Variants in SEMA4D observed in about 807,000 individuals in gnomAD.
The protein encoded by SEMA4D is semaphorin-4D.
Under a neutral mutation model 74.8 loss-of-function variants are expected in SEMA4D, and 22 were observed. The observed-to-expected ratio is 0.29, with a 90% confidence interval of 0.21 to 0.42. The LOEUF is 0.42. Ranked by LOEUF, SEMA4D falls within the 10% of genes least tolerant of loss-of-function variation. The pLI, the probability that SEMA4D is intolerant of heterozygous loss-of-function variation, is 1.00. For missense variants in SEMA4D, 937 were observed against 1,118.4 expected (o/e 0.84, Z 2.31); for synonymous variants, 445 against 463.7 (o/e 0.96, Z 0.52).
chr9:89,421,065 G>A (rs1463125225), intron 2 of SEMA4D, among the ~76,000 whole-genome samples: 2 of 152,184 alleles, frequency 1.3e-5, no homozygotes, highest in Non-Finnish European at 2.9e-5. Flanking sequence ...CAGGGACTGT[G>A]GGCTCCACCA....
chr9:89,486,749 T>A (rs1434174021), intron 1 of SEMA4D, among the ~76,000 whole-genome samples: 1 of 152,114 alleles, frequency 6.6e-6, no homozygotes, highest in Non-Finnish European at 1.5e-5. Context: ...CTGCTAAAAT[T>A]CAAAAAAATT....
chr9:89,421,105 G>C (rs1179010947), intron 2 of SEMA4D, among the ~76,000 whole-genome samples: 1 of 152,216 alleles, frequency 6.6e-6, no homozygotes, highest in Non-Finnish European at 1.5e-5. Context: ...GGGGATCGGG[G>C]CTTCCCCAGG....
intron 2 of SEMA4D, among the ~76,000 whole-genome samples, chr9:89,416,377 A>C (rs1845706198): frequency 6.6e-6 from 1 of 152,242 alleles, no homozygotes; most frequent in African/African-American, 2.4e-5. Flanking sequence ...TCAGGCAAGG[A>C]AGACAACACC....
chr9:89,461,603 G>A (rs1014374904), intron 1 of SEMA4D, among the ~76,000 whole-genome samples: 23 of 151,426 alleles, frequency 1.5e-4, no homozygotes, highest in Admixed American at 1.5e-3. Context: ...TACTAGGAGA[G>A]TAGCATATGA....
chr9:89,455,067 C>T (rs138418512), intron 2 of SEMA4D, among the ~76,000 whole-genome samples: 2,748 of 152,358 alleles, frequency 0.018, 31 homozygotes, highest in Middle Eastern at 0.078. Context: ...CCAGAGAAAA[C>T]GGGTAGCCTG....
intron 1 of SEMA4D, among the ~76,000 whole-genome samples, chr9:89,461,723 GAC>G (rs1206977321): frequency 2.6e-5 from 1 of 38,974 alleles, no homozygotes; most frequent in Non-Finnish European, 6.5e-5. Flanking sequence ...TTTTTTTGGA[GAC>G]AGAGTCTCGC....
At chr9:89,380,295 A>G (rs1836731784) in intron 15 of SEMA4D, among the ~76,000 whole-genome samples, 1 of 151,372 alleles carries the variant, frequency 6.6e-6, no homozygotes, top group Non-Finnish European at 1.5e-5. Flanking sequence ...AGACTCCCAA[A>G]ATGCTGGGAT....
chr9:89,380,216 A>G (rs1836717141), intron 15 of SEMA4D, among the ~76,000 whole-genome samples: 1 of 151,924 alleles, frequency 6.6e-6, no homozygotes, highest in Admixed American at 6.6e-5. Context: ...TATTTTTTGT[A>G]GAGACAGGGT....
In SEMA4D at chr9:89,447,990, T is replaced by C. The variant is rs1853390856; in HGVS notation, c.-244+7898A>G. Among the ~76,000 whole-genome samples the C allele has an allele frequency of 2.6e-5, 4 of 152,218 alleles. No individual in the cohort carries two copies. In the South Asian group the frequency reaches 8.3e-4, roughly 31 times the overall value. On this transcript the variant is annotated intron_variant, in intron 2 of 15. Transcript: ENST00000422704. ...TATGTATTTATTTATTTGTATTTTA[T>C]TTTTATGTATTTATTTGCATAGGGT...
intron 2 of SEMA4D, among the ~76,000 whole-genome samples, chr9:89,415,195 T>C (rs1163295918): frequency 6.6e-6 from 1 of 152,106 alleles, no homozygotes; most frequent in East Asian, 1.9e-4. Context: ...GGGTGTGTGG[T>C]GTGTGCATGC....
At chr9:89,403,041 G>C in intron 3 of SEMA4D, 25 bp from the exon 4 acceptor site, 1 of 1,593,464 alleles carries the variant, frequency 6.3e-7, no homozygotes, top group East Asian at 2.3e-5. Flanking sequence ...GGCAGGGTCA[G>C]AGTGGGAGGA....
intron 2 of SEMA4D, among the ~76,000 whole-genome samples, chr9:89,419,032 C>T (rs944636190): frequency 7.1e-6 from 1 of 141,706 alleles, no homozygotes; most frequent in African/African-American, 2.6e-5. Flanking sequence ...CCTCTACAGA[C>T]GCCCTGTACA....
intron 2 of SEMA4D, among the ~76,000 whole-genome samples, chr9:89,408,698 A>C (rs1269080849): frequency 6.6e-6 from 1 of 152,176 alleles, no homozygotes; most frequent in Non-Finnish European, 1.5e-5. Flanking sequence ...TGCGGCAGGC[A>C]GGGCCTTGGA....
In SEMA4D at chr9:89,378,492, G is replaced by T; in HGVS notation, c.*212C>A. On this transcript the variant is annotated 3_prime_UTR_variant, in exon 16 of 16. Transcript: ENST00000422704. ...TGACTTCGGAACACAAGACTGGGAT[G>T]CAATGCTTGTCATTTTTCCAAAAGG... 1.2e-5 allele frequency: 7 copies of T among 562,576 alleles called. No individual in the cohort carries two copies. The South Asian group carries it at 1.3e-4, about 11-fold the overall frequency. The allele number at this position is 562,576 out of a possible 1,614,324, so 34.8% of individuals were successfully genotyped here.
intron 2 of SEMA4D, among the ~76,000 whole-genome samples, chr9:89,440,644 G>C (rs758985958): frequency 6.6e-6 from 1 of 152,240 alleles, no homozygotes; most frequent in African/African-American, 2.4e-5. Flanking sequence ...CCTCGTGCAA[G>C]ACTTATTCAT....
chr9:89,393,754 G>C (rs192035911), intron 6 of SEMA4D, 99 bp from the exon 7 acceptor site: 1 of 939,088 alleles, frequency 1.1e-6, no homozygotes, highest in Non-Finnish European at 1.7e-6. Flanking sequence ...TGCTCTTCTC[G>C]GAAGACCAAC....
intron 1 of SEMA4D, among the ~76,000 whole-genome samples, chr9:89,489,275 G>A (rs1017612614): frequency 6.6e-6 from 1 of 152,172 alleles, no homozygotes; most frequent in African/African-American, 2.4e-5. Flanking sequence ...AGGTAGTTAC[G>A]CAGGAGAAAT....
rs971401756 is a variant in SEMA4D at position 89,362,138 on chromosome 9, C to T, written c.*264G>A. ...GCCTGTTAGCCATCCTGGTTACCTG[C>T]TTGTGCCAGACAGAACTTACTGTCC... On this transcript the variant is annotated 3_prime_UTR_variant, in exon 19 of 19. Transcript: ENST00000339861. 2.4e-5 allele frequency: 14 copies of T among 586,452 alleles called. No individual in the cohort carries two copies. In the East Asian group the frequency reaches 3.6e-4, roughly 15 times the overall value. 36.3% of individuals were successfully genotyped at this position (586,452 alleles called of 1,614,324 possible). A position where few individuals can be genotyped will look rare whatever the true frequency, so the allele number is the denominator to read the frequency against.
intron 1 of SEMA4D, among the ~76,000 whole-genome samples, chr9:89,461,708 T>TC (rs1857289741): frequency 7.7e-6 from 1 of 130,060 alleles, no homozygotes; most frequent in African/African-American, 2.9e-5. Context: ...CTCTTTTTTT[T>TC]TTTTTTTTTT....
Sources: allele counts gnomAD v4.1 joint callset (sites outside exome capture counted in the v4.1 genomes callset), GRCh38; gene constraint gnomAD v4.1.1; transcripts MANE v1.5; gene names NCBI Gene and HGNC (gene_info 2026-07-23, HGNC 2026-07-21).